Variants in FBXO7 observed in about 807,000 individuals in gnomAD.
The protein encoded by FBXO7 is F-box protein 7, also known as F-box only protein 7.
A neutral mutation model predicts 50.2 loss-of-function variants in FBXO7; 31 were observed. That is an observed-to-expected ratio of 0.62 (90% CI 0.46 to 0.83). The LOEUF (loss-of-function observed/expected upper bound fraction) is 0.83, where lower values mean the gene tolerates loss of function less well. Among genes scored for constraint, FBXO7 ranks in the 40% least tolerant of loss-of-function variants. FBXO7 has a pLI of 0.00. For missense variants in FBXO7, 667 were observed against 646.6 expected (o/e 1.03, Z -0.34); for synonymous variants, 256 against 253.1 (o/e 1.01, Z -0.11).
chr22:32,485,576 A>G (rs188721856), intron 4 of FBXO7, among the ~76,000 whole-genome samples: 16 of 152,140 alleles, frequency 1.1e-4, no homozygotes, highest in African/African-American at 3.4e-4. Flanking sequence ...ATGCCTGTGG[A>G]TGGCTTTATT....
chr22:32,495,118 T>C (rs1031020735), intron 7 of FBXO7, among the ~76,000 whole-genome samples: 3 of 152,184 alleles, frequency 2.0e-5, no homozygotes, highest in Admixed American at 6.5e-5. Context: ...TTGCCCAGTT[T>C]GGTGTAACGT....
At chr22:32,497,627 A>C (rs960123099) in intron 8 of FBXO7, among the ~76,000 whole-genome samples, 1 of 152,220 alleles carries the variant, frequency 6.6e-6, no homozygotes, top group Non-Finnish European at 1.5e-5. Context: ...GAGAAGGTTG[A>C]CTCTGATTTT....
intron 8 of FBXO7, among the ~76,000 whole-genome samples, chr22:32,496,245 C>T (rs974414316): frequency 1.3e-5 from 2 of 152,130 alleles, no homozygotes; most frequent in African/African-American, 4.8e-5. Context: ...CTTTGGGAGG[C>T]CGAAGTGGGC....
At position 32,493,140 on chromosome 22, in the gene FBXO7, C is replaced by T. The variant is rs1309436626; in HGVS notation, c.1003C>T (p.Leu335Phe). ...ACCAGATGTATTTGGGTTGGTCGTC[C>T]TCCCATTGGAACTGAAACTACGGAT... is the stretch of plus-strand genomic sequence containing the variant. ...NLPDVFGLVV[L>F]PLELKLRIFR... The change falls in exon 7 of 9, where the codon CTC becomes TTC. Residue 335 changes from leucine (L) to phenylalanine (F), a missense_variant. By Grantham distance (22) the Leu-to-Phe change is conservative (BLOSUM62 0). Coordinates refer to ENST00000266087, the MANE Select transcript of FBXO7 (RefSeq NM_012179.4). 2.5e-6 allele frequency: 4 copies of T among 1,614,172 alleles called. No homozygotes were observed. The highest frequency in any genetic ancestry group is 2.5e-6 in the Non-Finnish European group (3 of 1,180,020).
chr22:32,495,584 A>G, intron 8 of FBXO7, 54 bp downstream of exon 8: 1 of 984,232 alleles, frequency 1.0e-6, no homozygotes, highest in South Asian at 1.5e-5. Flanking sequence ...ATGACTAGTG[A>G]ATTAATATAT....
At chr22:32,491,560 C>CAT (rs758244125) in intron 6 of FBXO7, 3 of 97,954 alleles carry the variant, frequency 3.1e-5, no homozygotes, top group Non-Finnish European at 2.0e-5. Flanking sequence ...TCTATATAGA[C>CAT]ATATATTTAG....
intron 1 of FBXO7, chr22:32,475,747 G>C (rs1269137116): frequency 3.8e-6 from 1 of 261,814 alleles, no homozygotes; most frequent in Non-Finnish European, 7.2e-6. Flanking sequence ...CAGCGTGTAG[G>C]CGTGTTTCAG....
At chr22:32,486,331 A>C (rs945030793) in intron 4 of FBXO7, among the ~76,000 whole-genome samples, 1 of 151,582 alleles carries the variant, frequency 6.6e-6, no homozygotes, top group South Asian at 2.1e-4. Context: ...CCTCTTACAA[A>C]GTTTCTTTTT....
intron 6 of FBXO7, 43 bp downstream of exon 6, chr22:32,491,224 A>G: frequency 7.4e-7 from 1 of 1,342,652 alleles, no homozygotes; most frequent in Non-Finnish European, 1.1e-6. Context: ...ACTGTAAAGA[A>G]TAGTAAGTAT....
chr22:32,498,069 A>T, intron 8 of FBXO7, 75 bp from the exon 9 acceptor site: 1 of 1,516,134 alleles, frequency 6.6e-7, no homozygotes, highest in Non-Finnish European at 9.1e-7. Context: ...TTTACTATGA[A>T]AGCAAATTAG....
intron 8 of FBXO7, among the ~76,000 whole-genome samples, chr22:32,496,766 G>C (rs2057577802): frequency 6.6e-6 from 1 of 152,032 alleles, no homozygotes; most frequent in South Asian, 2.1e-4. Flanking sequence ...CATGGATCAA[G>C]GAATAATTTT....
At chr22:32,497,094 A>G (rs1222901500) in intron 8 of FBXO7, among the ~76,000 whole-genome samples, 1 of 152,252 alleles carries the variant, frequency 6.6e-6, no homozygotes, top group Non-Finnish European at 1.5e-5. Flanking sequence ...CTGCAGTCTC[A>G]CAGTCAAACT....
At chr22:32,487,371 C>A in intron 4 of FBXO7, 1 of 182,004 alleles carries the variant, frequency 5.5e-6, no homozygotes. Flanking sequence ...AGACTCATTG[C>A]CAAGGGTTAA....
At chr22:32,479,324 T>A in intron 2 of FBXO7, 49 bp downstream of exon 2, 3 of 1,528,126 alleles carry the variant, frequency 2.0e-6, no homozygotes, top group Admixed American at 1.7e-5. Flanking sequence ...ATAAGTCATA[T>A]TGAACACCTC....
At chr22:32,478,102 TG>T (rs2057440405) in intron 1 of FBXO7, 1 of 152,276 alleles carries the variant, frequency 6.6e-6, no homozygotes, top group Admixed American at 6.5e-5. Context: ...GCAATGAAGT[TG>T]ATCTGCTTTT....
At chr22:32,478,955 C>T in intron 1 of FBXO7, 26 bp from the exon 2 acceptor site, 1 of 1,610,306 alleles carries the variant, frequency 6.2e-7, no homozygotes, top group South Asian at 1.1e-5. Context: ...GTAGTTCTTA[C>T]TATGCTTATC....
chr22:32,475,781 A>C, intron 1 of FBXO7: 1 of 185,740 alleles, frequency 5.4e-6, no homozygotes, highest in Non-Finnish European at 1.1e-5. Flanking sequence ...CTTGGGTGAA[A>C]TGTTGCTTTT....
chr22:32,483,535 AATG>A (rs543714460), intron 2 of FBXO7, among the ~76,000 whole-genome samples: 228 of 152,334 alleles, frequency 1.5e-3, no homozygotes, highest in African/African-American at 5.2e-3. Flanking sequence ...TCGGGAAATA[AATG>A]ATGAGAGTTT....
chr22:32,480,294 T>C (rs1269275195), intron 2 of FBXO7, among the ~76,000 whole-genome samples: 1 of 152,210 alleles, frequency 6.6e-6, no homozygotes, highest in African/African-American at 2.4e-5. Flanking sequence ...GAAAATGGTG[T>C]CTGTCCTCCT....
Sources: gnomAD v4.1 joint callset for allele counts (sites outside exome capture counted in the v4.1 genomes callset) on GRCh38, gnomAD v4.1.1 for gene constraint, MANE v1.5 for transcripts, NCBI Gene and HGNC (gene_info 2026-07-23, HGNC 2026-07-21) for gene names.